Variants in NAPG observed in about 807,000 individuals in gnomAD.
NAPG encodes gamma-soluble NSF attachment protein.
A neutral mutation model predicts 48.4 loss-of-function variants in NAPG; 25 were observed. That is an observed-to-expected ratio of 0.52 (90% CI 0.38 to 0.72). The LOEUF (loss-of-function observed/expected upper bound fraction) is 0.72. Among genes scored for constraint, NAPG ranks in the 30% least tolerant of loss-of-function variants. The pLI is 0.00. For missense variants in NAPG, 359 were observed against 372.5 expected, an observed-to-expected ratio of 0.96 and a Z score of 0.30; for synonymous variants, 139 against 127.2, an observed-to-expected ratio of 1.09 and a Z score of -0.62.
At chr18:10,533,410 T>G in intron 3 of NAPG, 126 bp from the exon 4 acceptor site, 1 of 697,436 alleles carries the variant, frequency 1.4e-6, no homozygotes, top group Non-Finnish European at 2.3e-6. Context: ...TTTACCTGTT[T>G]GTAGGATTTG....
At chr18:10,550,025 A>T in intron 11 of NAPG, 52 bp from the exon 12 acceptor site, 2 of 1,480,570 alleles carry the variant, frequency 1.4e-6, no homozygotes, top group Non-Finnish European at 1.8e-6. Context: ...TGAGTAAAAC[A>T]TGTTAGGATT....
rs185656231 is a variant in NAPG, at chr18:10,535,550, C to T, written c.258+1054C>T. 3.0e-3 allele frequency among the ~76,000 whole-genome samples: 451 copies of T among 152,302 alleles called. 1 individual carries two copies. Among genetic ancestry groups the T allele is most frequent in the African/African-American group, 9.6e-3 (401 of 41,564 alleles). Reference sequence around the variant, plus strand: ...CCAACGTGGGTGGATTACCTGAGATCAGGAGTTCGAGACCAGCCTGGCCAA... The same window carrying T: ...CCAACGTGGGTGGATTACCTGAGATTAGGAGTTCGAGACCAGCCTGGCCAA... On this transcript the variant is annotated intron_variant, in intron 5 of 11. Transcript: ENST00000322897.
chr18:10,546,335 G>C lies in NAPG; in HGVS notation c.516G>C (p.Glu172Asp). 1 of 1,580,376 alleles carries C rather than the reference G, an allele frequency of 6.3e-7. No homozygotes were observed. The highest frequency in any genetic ancestry group is 1.3e-5 in the African/African-American group (1 of 74,118). ...CTGTGTTTTGTTTTAGGTTTGATGA[G>C]GCGGCACTCTCTATTCAGAAAGAAA... ...RLLVRGRRFD[E>D]AALSIQKEKN... is the part of the protein sequence containing the mutation. The change falls in exon 9 of 12, where the codon GAG becomes GAC. Residue 172 changes from glutamate to aspartate, a missense_variant. Transcript: ENST00000322897. This position sits in a 1 kb window ranked among gnomAD's most constrained non-coding sequence, Gnocchi z 4.0.
At position 10,542,703 on chromosome 18, in the gene NAPG, A is replaced by G. The variant is rs1401531515; in HGVS notation, c.506+2304A>G. Among the ~76,000 whole-genome samples the G allele has an allele frequency of 6.6e-6, 1 of 152,238 alleles. No individual in the cohort carries two copies. Among genetic ancestry groups the G allele is most frequent in the African/African-American group, 2.4e-5 (1 of 41,458 alleles). On this transcript the variant is annotated intron_variant, in intron 8 of 11. Coordinates refer to ENST00000322897, the MANE Select transcript of NAPG (RefSeq NM_003826.3). The surrounding 1 kb of genome is among the most constrained non-coding windows in gnomAD (Gnocchi z 4.5). Reference sequence around the variant, plus strand: ...AGTGCACTTATGTTTTTACATTAACATGAGTCCATAAGATGTCCTAATTTA... The same window carrying G: ...AGTGCACTTATGTTTTTACATTAACGTGAGTCCATAAGATGTCCTAATTTA...
intron 1 of NAPG, among the ~76,000 whole-genome samples, chr18:10,527,070 C>T (rs1284938996): frequency 1.3e-5 from 2 of 151,894 alleles, no homozygotes; most frequent in Non-Finnish European, 2.9e-5. Context: ...CGCCTGTAGT[C>T]CCAGCTACTC....
Position 10,544,767 on chromosome 18 carries a change from G to A in NAPG, c.507-1559G>A, listed in dbSNP as rs2032227117. On this transcript the variant is annotated intron_variant, in intron 8 of 11. Coordinates refer to ENST00000322897, the MANE Select transcript of NAPG (RefSeq NM_003826.3). This position sits in a 1 kb window ranked among gnomAD's most constrained non-coding sequence, Gnocchi z 5.1. ...TGTTTACAAGGGGCAAGAATCGGGA[G>A]CACTCTTAGAATTCTGCTACCAAAC... Among the ~76,000 whole-genome samples the A allele has an allele frequency of 6.6e-6, 1 of 152,166 alleles. No individual in the cohort carries two copies. The highest frequency in any genetic ancestry group is 2.4e-5 in the African/African-American group (1 of 41,432).
At chr18:10,537,338 ATTC>A (rs2143112695) in intron 5 of NAPG, among the ~76,000 whole-genome samples, 1 of 152,334 alleles carries the variant, frequency 6.6e-6, no homozygotes, top group African/African-American at 2.4e-5. Context: ...TTTATACTGT[ATTC>A]TTAGAATAAA....
Position 10,543,077 on chromosome 18 carries a change from G to A in NAPG, c.506+2678G>A, listed in dbSNP as rs940082516. ...CGCACACCTATAATCCCAGCTACTC[G>A]GGAGGCTGGAGAATCGCTTGAACCC... On this transcript the variant is annotated intron_variant, in intron 8 of 11. Transcript: ENST00000322897. This position sits in a 1 kb window ranked among gnomAD's most constrained non-coding sequence, Gnocchi z 4.4. Among the ~76,000 whole-genome samples the A allele has an allele frequency of 1.3e-5, 2 of 151,522 alleles. No individual in the cohort carries two copies. The highest frequency in any genetic ancestry group is 4.9e-5 in the African/African-American group (2 of 41,232).
chr18:10,532,592 T>C (rs1442025676), intron 2 of NAPG, 119 bp from the exon 3 acceptor site: 1 of 657,192 alleles, frequency 1.5e-6, no homozygotes, highest in Non-Finnish European at 2.4e-6. Context: ...AGTTTTAGGA[T>C]ACTTCCTAAG....
At chr18:10,529,194 G>T (rs2031879974) in intron 1 of NAPG, among the ~76,000 whole-genome samples, 1 of 152,190 alleles carries the variant, frequency 6.6e-6, no homozygotes, top group Non-Finnish European at 1.5e-5. Flanking sequence ...CTTGTTTTTA[G>T]TGGGATTAAA....
At chr18:10,545,404 C>T (rs567608969) in intron 8 of NAPG, among the ~76,000 whole-genome samples, 1 of 152,350 alleles carries the variant, frequency 6.6e-6, no homozygotes, top group East Asian at 1.9e-4. Context: ...CCACTTACCT[C>T]CCTTTGAATC....
Position 10,548,470 on chromosome 18 carries a change from G to T in NAPG, c.665+92G>T. On this transcript the variant is annotated intron_variant, in intron 10 of 11. Transcript: ENST00000322897. The surrounding 1 kb of genome is among the most constrained non-coding windows in gnomAD (Gnocchi z 4.4). Reference sequence around the variant, plus strand: ...TGCTAGGACACATGTTCCTGGCCATGAAACTGTCATTTCTAAATCTTAGGA... The same window carrying T: ...TGCTAGGACACATGTTCCTGGCCATTAAACTGTCATTTCTAAATCTTAGGA... 1 of 1,017,878 alleles carries T rather than the reference G, an allele frequency of 9.8e-7. No individual in the cohort carries two copies. Among genetic ancestry groups the T allele is most frequent in the Non-Finnish European group, 1.5e-6 (1 of 661,388 alleles). 63.1% of individuals were successfully genotyped at this position (1,017,878 alleles called of 1,614,324 possible). A position where few individuals can be genotyped will look rare whatever the true frequency, so the allele number is the denominator to read the frequency against.
At position 10,526,136 on chromosome 18, in the gene NAPG, C is replaced by T. The variant is rs1384817594; in HGVS notation, c.34C>T (p.His12Tyr). The T allele has an allele frequency of 1.9e-6, 3 of 1,613,544 alleles. No homozygotes were observed. The highest frequency in any genetic ancestry group is 1.7e-6 in the Non-Finnish European group (2 of 1,179,684). Residue 12 changes from histidine to tyrosine, a missense_variant, in exon 1 of 12, where the codon CAC becomes TAC. Physicochemically the swap from His to Tyr is moderately conservative, Grantham distance 83. Transcript: ENST00000322897. The stretch of plus-strand genomic sequence containing the variant: ...TCAGAAGATAAACGAGGGGCTGGAA[C>T]ACCTCGCCAAAGCAGAGAAATAGTG... ...AAQKINEGLE[H>Y]LAKAEKYLKT...
At position 10,529,684 on chromosome 18, in the gene NAPG, C is replaced by T. The variant is rs192110473; in HGVS notation, c.57-1086C>T. On this transcript the variant is annotated intron_variant, in intron 1 of 11. Transcript: ENST00000322897. Reference sequence around the variant, plus strand: ...ACGAGAGTCACTTGAACCTGGGAGGCGGAAGTTGCAGTGAGCCGAGATAAT... The same window carrying T: ...ACGAGAGTCACTTGAACCTGGGAGGTGGAAGTTGCAGTGAGCCGAGATAAT... Among the ~76,000 whole-genome samples, 451 of 152,138 alleles carry T rather than the reference C, an allele frequency of 3.0e-3. 1 individual carries two copies. The highest frequency in any genetic ancestry group is 9.6e-3 in the African/African-American group (400 of 41,504).
At chr18:10,549,178 C>T in intron 11 of NAPG, 82 bp downstream of exon 11, 2 of 1,483,730 alleles carry the variant, frequency 1.3e-6, no homozygotes, top group South Asian at 2.8e-5. Context: ...TACCCATGTA[C>T]TTAAGAGATT....
intron 1 of NAPG, chr18:10,526,446 C>G (rs1048408406): frequency 4.6e-6 from 2 of 435,418 alleles, no homozygotes; most frequent in South Asian, 3.3e-5. Context: ...GAGGGCTTCT[C>G]TACTTGGGCG....
intron 8 of NAPG, among the ~76,000 whole-genome samples, chr18:10,541,215 T>G (rs1342374254): frequency 6.6e-6 from 1 of 152,248 alleles, no homozygotes; most frequent in African/African-American, 2.4e-5. Context: ...GAATTAACTA[T>G]TAAACAATCT....
At chr18:10,541,504 G>A (rs1171787477) in intron 8 of NAPG, among the ~76,000 whole-genome samples, 1 of 152,184 alleles carries the variant, frequency 6.6e-6, no homozygotes, top group Non-Finnish European at 1.5e-5. Context: ...GCTGTTCTTG[G>A]TGATGGCGTT....
At position 10,548,633 on chromosome 18, in the gene NAPG, GAAA is replaced by G. The variant is rs977360624; in HGVS notation, c.665+260_665+262del. Reference sequence around the variant, plus strand: ...TTTAGTCATTTTATTTGCCTTCTAAGAAAAAAAGAACAAGAAAAAGGGGGAAAA... The same window carrying G: ...TTTAGTCATTTTATTTGCCTTCTAAGAAAAGAACAAGAAAAAGGGGGAAAA... On this transcript the variant is annotated intron_variant, in intron 10 of 11. Coordinates refer to ENST00000322897, the MANE Select transcript of NAPG (RefSeq NM_003826.3). The surrounding 1 kb of genome is among the most constrained non-coding windows in gnomAD (Gnocchi z 4.4). 5.4e-5 allele frequency among the ~76,000 whole-genome samples: 8 copies of G among 148,822 alleles called. No individual in the cohort carries two copies. The highest frequency in any genetic ancestry group is 1.7e-4 in the African/African-American group (7 of 40,310).
Sources: gnomAD v4.1 joint callset for allele counts (sites outside exome capture counted in the v4.1 genomes callset) on GRCh38, gnomAD v4.1.1 for gene constraint, Gnocchi (gnomAD v3.1) non-coding constraint, MANE v1.5 for transcripts, NCBI Gene and HGNC (gene_info 2026-07-23, HGNC 2026-07-21) for gene names.